Variants in TMCO6 observed in about 807,000 individuals in gnomAD.
TMCO6 encodes transmembrane and coiled-coil domain-containing protein 6.
In TMCO6, 47 loss-of-function variants were observed where a neutral mutation model predicts 61.8. That is an observed-to-expected ratio of 0.76 (90% CI 0.60 to 0.97). TMCO6 has a LOEUF of 0.97. TMCO6 is among the 50% of genes least tolerant of loss of function. The probability of loss-of-function intolerance (pLI) is 0.00; values close to 1 mark genes in which losing one functional copy is unlikely to be tolerated. For synonymous variants in TMCO6, 261 were observed against 254.2 expected, an observed-to-expected ratio of 1.03 and a Z score of -0.25; for missense variants, 557 against 601.6, an observed-to-expected ratio of 0.93 and a Z score of 0.78.
chr5:140,617,254 C>G, the TMCO6 span, among the ~76,000 whole-genome samples: 3 of 151,892 alleles, frequency 2.0e-5, no homozygotes, highest in Non-Finnish European at 4.4e-5. Flanking sequence ...GGTGAAACCC[C>G]GTCTCTACTA....
chr5:140,616,627 AG>A, the TMCO6 span, among the ~76,000 whole-genome samples: 1 of 152,250 alleles, frequency 6.6e-6, no homozygotes. Context: ...TGCAATCAGC[AG>A]AGTAAAAACG....
chr5:140,642,508 C>G (rs1757104032), intron 5 of TMCO6, 78 bp from the exon 6 acceptor site: 2 of 1,600,976 alleles, frequency 1.2e-6, no homozygotes, highest in African/African-American at 1.3e-5. Context: ...CAGCCTCTGC[C>G]CTGTGCCAAG....
chr5:140,632,801 G>A, the TMCO6 span: 3 of 1,613,760 alleles, frequency 1.9e-6, no homozygotes, highest in Non-Finnish European at 2.5e-6. The surrounding 1 kb of genome is among the most constrained non-coding windows in gnomAD (Gnocchi z 6.2). Flanking sequence ...TGAGACCGCC[G>A]GCATGGATCT....
At chr5:140,601,103 A>G in the TMCO6 span, among the ~76,000 whole-genome samples, 1 of 152,056 alleles carries the variant, frequency 6.6e-6, no homozygotes, top group Non-Finnish European at 1.5e-5. Context: ...TAAACACTCT[A>G]TTTTTATCCC....
the TMCO6 span, among the ~76,000 whole-genome samples, chr5:140,629,075 C>T: frequency 2.2e-4 from 33 of 152,150 alleles, 1 homozygote; most frequent in East Asian, 6.4e-3. Context: ...TCACAACTAG[C>T]CTGGCCAACA....
Position 140,641,951 on chromosome 5 carries a change from G to A in TMCO6, c.396G>A (p.Leu132=). 1 of 1,614,040 alleles carries A rather than the reference G, an allele frequency of 6.2e-7. No individual in the cohort carries two copies. Among genetic ancestry groups the A allele is most frequent in the Non-Finnish European group, 8.5e-7 (1 of 1,179,898 alleles). ...ALLQLEAARC[L]HELSHSEQST... is the part of the protein sequence containing the mutation. ...TGCAGCTTGAGGCGGCTCGGTGCCT[G>A]CATGAGCTCTCTCACTCCGAGCAGT... The change falls in exon 4 of 12, where the codon CTG becomes CTA. Residue 132 remains leucine, a synonymous_variant. Transcript: ENST00000394671.
At chr5:140,640,411 TTTTC>T (rs1180651702) in intron 2 of TMCO6, among the ~76,000 whole-genome samples, 3 of 150,558 alleles carry the variant, frequency 2.0e-5, no homozygotes, top group African/African-American at 5.0e-5. Context: ...TTTTCTTTTC[TTTTC>T]TTTTTTTTTT....
In TMCO6 at chr5:140,643,693, G is replaced by A; in HGVS notation, c.918+18G>A. 1 of 1,606,510 alleles carries A rather than the reference G, an allele frequency of 6.2e-7. No homozygotes were observed. Among genetic ancestry groups the A allele is most frequent in the Non-Finnish European group, 8.5e-7 (1 of 1,175,216 alleles). On this transcript the variant is annotated intron_variant, in intron 8 of 11. Coordinates refer to ENST00000394671, the MANE Select transcript of TMCO6 (RefSeq NM_018502.5). The stretch of plus-strand genomic sequence containing the variant: ...TGGAGCTGGTAGGTGAAGATGTCAG[G>A]TGAAATTCTGGGAGATGTTTCTTGA...
chr5:140,636,161 G>A (rs1756766387), upstream of TMCO6, among the ~76,000 whole-genome samples: 1 of 152,110 alleles, frequency 6.6e-6, no homozygotes, highest in Non-Finnish European at 1.5e-5. Context: ...ACCACACCTG[G>A]TTAATTTTGC....
the TMCO6 span, among the ~76,000 whole-genome samples, chr5:140,602,664 T>C: frequency 2.0e-5 from 3 of 151,770 alleles, no homozygotes; most frequent in Non-Finnish European, 4.4e-5. Flanking sequence ...CTTGGGAGGC[T>C]GAGGCAGGAG....
At chr5:140,603,388 A>G in the TMCO6 span, among the ~76,000 whole-genome samples, 1 of 152,170 alleles carries the variant, frequency 6.6e-6, no homozygotes, top group South Asian at 2.1e-4. Context: ...GCTCACTGCA[A>G]CCTGCACCTC....
downstream of TMCO6, among the ~76,000 whole-genome samples, chr5:140,646,098 C>T (rs1757382542): frequency 6.6e-6 from 1 of 151,742 alleles, no homozygotes; most frequent in African/African-American, 2.4e-5. Context: ...GCAACCTCCA[C>T]CTCCTGGGTT....
chr5:140,641,338 AGAG>A (rs920268341), intron 2 of TMCO6: 6 of 262,672 alleles, frequency 2.3e-5, no homozygotes, highest in African/African-American at 1.3e-4. Flanking sequence ...GAGAATGGCT[AGAG>A]GAGTAGGTTT....
intron 7 of TMCO6, 67 bp from the exon 8 acceptor site, chr5:140,643,497 A>G: frequency 6.8e-7 from 1 of 1,470,030 alleles, no homozygotes; most frequent in Non-Finnish European, 9.5e-7. Context: ...ACGCCTAGGC[A>G]ACTGCTTCTC....
the TMCO6 span, among the ~76,000 whole-genome samples, chr5:140,597,788 C>T: frequency 3.3e-5 from 5 of 152,196 alleles, no homozygotes; most frequent in Admixed American, 3.3e-4. Flanking sequence ...GATGATACAG[C>T]AGCATTTACT....
chr5:140,634,498 T>C (rs1254445588), upstream of TMCO6, among the ~76,000 whole-genome samples: 39 of 149,468 alleles, frequency 2.6e-4, no homozygotes, highest in African/African-American at 9.4e-4. Flanking sequence ...TTTTTTTTTT[T>C]TTTTTGAGAC....
At chr5:140,646,484 A>G (rs1757407943), downstream of TMCO6, among the ~76,000 whole-genome samples, 2 of 151,576 alleles carry the variant, frequency 1.3e-5, no homozygotes, top group South Asian at 2.1e-4. Flanking sequence ...ACAGATATCT[A>G]CTCTGAGAAC....
At chr5:140,596,862 T>C in the TMCO6 span, among the ~76,000 whole-genome samples, 3 of 152,224 alleles carry the variant, frequency 2.0e-5, no homozygotes, top group Non-Finnish European at 2.9e-5. Context: ...ACATGAATCC[T>C]AGGCTTCTGC....
chr5:140,634,565 A>C (rs1382577595), upstream of TMCO6, among the ~76,000 whole-genome samples: 1 of 144,430 alleles, frequency 6.9e-6, no homozygotes, highest in Non-Finnish European at 1.5e-5. Flanking sequence ...GGCTCACTGC[A>C]ACCTCCGCCT....
Sources: allele counts gnomAD v4.1 joint callset (sites outside exome capture counted in the v4.1 genomes callset), GRCh38; gene constraint gnomAD v4.1.1; non-coding constraint Gnocchi (gnomAD v3.1); transcripts MANE v1.5; gene names NCBI Gene and HGNC (gene_info 2026-07-23, HGNC 2026-07-21).